ZIM2: variants seen among roughly 807,000 people sequenced by gnomAD.
ZIM2 encodes the protein zinc finger imprinted 2.
A neutral mutation model predicts 38.6 loss-of-function variants in ZIM2; 14 were observed. The ratio of observed to expected loss-of-function variants is 0.36; its 90% CI spans 0.24 to 0.57. The LOEUF (loss-of-function observed/expected upper bound fraction) is 0.57. Ranked by LOEUF, ZIM2 falls within the 20% of genes least tolerant of loss-of-function variation. The probability of loss-of-function intolerance (pLI) is 0.81; values close to 1 mark genes in which losing one functional copy is unlikely to be tolerated. For missense variants in ZIM2, 680 were observed against 695.1 expected, an observed-to-expected ratio of 0.98 and a Z score of 0.24; for synonymous variants, 247 against 245.8, an observed-to-expected ratio of 1.00 and a Z score of -0.04.
chr19:56,813,362 A>T, intron 9 of ZIM2: 1 of 1,146,718 alleles, frequency 8.7e-7, no homozygotes, highest in Non-Finnish European at 1.1e-6. Context: ...CACAAGTGTC[A>T]TTTACAGTTG....
intron 10 of ZIM2, among the ~76,000 whole-genome samples, chr19:56,784,723 CTT>C (rs2046506363): frequency 6.6e-6 from 1 of 152,104 alleles, no homozygotes; most frequent in Admixed American, 6.6e-5. Flanking sequence ...TAATTAATCT[CTT>C]TGATTCTCAT....
chr19:56,817,119 C>T, intron 9 of ZIM2: 1 of 1,614,152 alleles, frequency 6.2e-7, no homozygotes. Flanking sequence ...TTGGCTGTGA[C>T]TCGGTAAAGG....
rs770287827 is a variant in ZIM2, at chr19:56,814,816, C to T, written c.490+2930G>A. The T allele has an allele frequency of 1.6e-5, 26 of 1,614,150 alleles. No homozygotes were observed. Among genetic ancestry groups the T allele is most frequent in the East Asian group, 2.2e-5 (1 of 44,872 alleles). On this transcript the variant is annotated intron_variant, in intron 9 of 12. Coordinates refer to ENST00000629319, the MANE Select transcript of ZIM2 (RefSeq NM_001387356.1). This position sits in a 1 kb window ranked among gnomAD's most constrained non-coding sequence, Gnocchi z 5.8. ...ATTCCTCTCTGCAGCACGATTCCTCCGTGGCTTCATGGGCAAGAGGGCAAT... is the reference window on the plus strand; with the variant it reads ...ATTCCTCTCTGCAGCACGATTCCTCTGTGGCTTCATGGGCAAGAGGGCAAT...
At chr19:56,833,087 T>C (rs753151540) in intron 2 of ZIM2, 2 of 491,348 alleles carry the variant, frequency 4.1e-6, no homozygotes, top group Non-Finnish European at 4.1e-6. Context: ...AAGAACTTAA[T>C]GAAAGAACAC....
intron 9 of ZIM2, chr19:56,815,738 C>T: frequency 6.2e-7 from 1 of 1,614,156 alleles, no homozygotes; most frequent in Non-Finnish European, 8.5e-7. Flanking sequence ...TGAGGTTTGG[C>T]ACGGAATACA....
At chr19:56,785,616 AC>A (rs2046559635) in intron 10 of ZIM2, among the ~76,000 whole-genome samples, 1 of 152,134 alleles carries the variant, frequency 6.6e-6, no homozygotes, top group African/African-American at 2.4e-5. Context: ...AATAAGCCAC[AC>A]CCTTTGTGTG....
intron 9 of ZIM2, among the ~76,000 whole-genome samples, chr19:56,806,836 T>A (rs2047781925): frequency 6.6e-6 from 1 of 152,176 alleles, no homozygotes; most frequent in African/African-American, 2.4e-5. Context: ...CATGTGAGGA[T>A]GCAGCAAGAA....
chr19:56,795,548 C>T (rs2047165151), intron 9 of ZIM2, among the ~76,000 whole-genome samples: 1 of 152,232 alleles, frequency 6.6e-6, no homozygotes, highest in Non-Finnish European at 1.5e-5. Flanking sequence ...GGCTGGCTTG[C>T]GCGTGCGCTC....
rs528535038 is a variant in ZIM2, at chr19:56,812,680, C to T, written c.490+5066G>A. ...ATTTACAGCATGAGAGCCTCTCCTA[C>T]GGTTCTCAACCTTCATTAGGCACTA... On this transcript the variant is annotated intron_variant, in intron 9 of 12. Coordinates refer to ENST00000629319, the MANE Select transcript of ZIM2 (RefSeq NM_001387356.1). 5.8e-5 allele frequency: 57 copies of T among 985,148 alleles called. No individual in the cohort carries two copies. In the African/African-American group the frequency reaches 6.8e-4, roughly 12 times the overall value. 61.0% of individuals were successfully genotyped at this position (985,148 alleles called of 1,614,324 possible).
Position 56,824,420 on chromosome 19 carries a change from G to A in ZIM2, c.-143C>T. 6.2e-7 allele frequency: 1 copy of A among 1,614,152 alleles called. No individual in the cohort carries two copies. Among genetic ancestry groups the A allele is most frequent in the Non-Finnish European group, 8.5e-7 (1 of 1,180,030 alleles). ...CTCGATGATCTCCTCCTTGGTGCGG[G>A]TCTCCGGCTGCAACCAATCGAGGCA... On this transcript the variant is annotated 5_prime_UTR_variant, in exon 4 of 13. Transcript: ENST00000629319.
intron 9 of ZIM2, among the ~76,000 whole-genome samples, chr19:56,807,880 G>T (rs554603563): frequency 9.1e-4 from 138 of 152,296 alleles, no homozygotes; most frequent in Non-Finnish European, 9.3e-4. Context: ...TTAATTTAAG[G>T]GGGAAACTGG....
intron 9 of ZIM2, among the ~76,000 whole-genome samples, chr19:56,804,381 C>T (rs887271805): frequency 6.6e-6 from 1 of 152,182 alleles, no homozygotes; most frequent in East Asian, 1.9e-4. Context: ...AACTGAGGGA[C>T]CAGCATTCAT....
intron 10 of ZIM2, among the ~76,000 whole-genome samples, chr19:56,783,606 TAGTGGG>T (rs1230289857): frequency 6.6e-6 from 1 of 152,164 alleles, no homozygotes; most frequent in Non-Finnish European, 1.5e-5. Context: ...TCTCACTTAT[TAGTGGG>T]AGCTAAACAC....
At chr19:56,796,051 G>A (rs968174935) in intron 9 of ZIM2, among the ~76,000 whole-genome samples, 4 of 152,084 alleles carry the variant, frequency 2.6e-5, no homozygotes, top group Non-Finnish European at 5.9e-5. Flanking sequence ...CAAAACATAC[G>A]TAACCACTGT....
chr19:56,813,218 C>T (rs2059660010), intron 9 of ZIM2: 3 of 954,790 alleles, frequency 3.1e-6, no homozygotes, highest in African/African-American at 1.8e-5. Flanking sequence ...AAAAAAAATT[C>T]AAAGAATACC....
chr19:56,816,428 G>A (rs1224713489), intron 9 of ZIM2: 3 of 1,614,004 alleles, frequency 1.9e-6, no homozygotes, highest in South Asian at 2.2e-5. Flanking sequence ...CGCCTTTTAA[G>A]GGACTGACCA....
intron 9 of ZIM2, chr19:56,813,829 G>C: frequency 6.2e-7 from 1 of 1,614,152 alleles, no homozygotes; most frequent in Non-Finnish European, 8.5e-7. Context: ...CTCCCCAAAG[G>C]CATTTGCAGG....
intron 9 of ZIM2, chr19:56,798,685 T>C (rs1361756835): frequency 6.6e-6 from 1 of 152,002 alleles, no homozygotes; most frequent in African/African-American, 2.4e-5. Flanking sequence ...GCTTACAGCA[T>C]GGGAGAAAAT....
chr19:56,804,702 T>A (rs2047676344), intron 9 of ZIM2, among the ~76,000 whole-genome samples: 1 of 152,210 alleles, frequency 6.6e-6, no homozygotes, highest in Non-Finnish European at 1.5e-5. Context: ...ATTAGAAGTG[T>A]GCATCTAACC....
Sources: allele counts gnomAD v4.1 joint callset (sites outside exome capture counted in the v4.1 genomes callset), GRCh38; gene constraint gnomAD v4.1.1; non-coding constraint Gnocchi (gnomAD v3.1); transcripts MANE v1.5; gene names NCBI Gene and HGNC (gene_info 2026-07-23, HGNC 2026-07-21).